The following DIS3L variants were observed in gnomAD, a reference collection of about 807,000 sequenced individuals.
DIS3L encodes the protein DIS3 like exosome 3'-5' exoribonuclease, also known as DIS3-like exonuclease 1.
In DIS3L, 100 loss-of-function variants were observed where a neutral mutation model predicts 120.3. That is an observed-to-expected ratio of 0.83 (90% CI 0.71 to 0.98). The LOEUF is 0.98. Among genes scored for constraint, DIS3L ranks in the 50% least tolerant of loss-of-function variants. The pLI is 0.00. For missense variants in DIS3L, 1,196 were observed against 1,314.2 expected (o/e 0.91, Z 1.39); for synonymous variants, 426 against 470.6 (o/e 0.91, Z 1.23).
intron 9 of DIS3L, 77 bp from the exon 10 acceptor site, chr15:66,322,610 T>C (rs2140390997): frequency 2.5e-6 from 4 of 1,572,696 alleles, no homozygotes; most frequent in Non-Finnish European, 3.5e-6. Flanking sequence ...TATGTGGTCA[T>C]ACTGAGAATA....
intron 14 of DIS3L, chr15:66,330,283 C>T (rs764595248): frequency 3.1e-5 from 31 of 984,254 alleles, no homozygotes; most frequent in Admixed American, 6.2e-5. Flanking sequence ...GGTGACAGAG[C>T]GAAACTCCGT....
intron 15 of DIS3L, 47 bp downstream of exon 15, chr15:66,332,067 G>C (rs531153124): frequency 3.2e-6 from 5 of 1,546,302 alleles, no homozygotes; most frequent in Non-Finnish European, 3.5e-6. Context: ...ATAGTTAAAA[G>C]TGTAGAACAC....
At chr15:66,294,194 C>A (rs915499172) in intron 1 of DIS3L, 2 of 985,530 alleles carry the variant, frequency 2.0e-6, no homozygotes, top group African/African-American at 3.5e-5. Flanking sequence ...CCTGCCCGCA[C>A]TGTTGCCCCA....
rs573087039 is a variant in DIS3L at position 66,308,248 on chromosome 15, T to C, written c.423-461T>C. On this transcript the variant is annotated intron_variant, in intron 3 of 16. Coordinates refer to ENST00000319212, the MANE Select transcript of DIS3L (RefSeq NM_001143688.3). ...TCTCTGTTTCCCAGTTCCGGTTCTT[T>C]TTTGGAAGATTTCCAGGCATTCCAT... is the stretch of plus-strand genomic sequence containing the variant. Among the ~76,000 whole-genome samples, 5 of 152,334 alleles carry C rather than the reference T, an allele frequency of 3.3e-5. No homozygotes were observed. The South Asian group carries it at 8.3e-4, about 25-fold the overall frequency.
rs2093020536 is a variant in DIS3L at position 66,333,171 on chromosome 15, G to C, written c.3024G>C (p.Gln1008His). The change falls in exon 17 of 17, where the codon CAG becomes CAC. Residue 1008 changes from glutamine to histidine, a missense_variant. Physicochemically the swap from Gln to His is conservative, Grantham distance 24 (BLOSUM62 0). Coordinates refer to ENST00000319212, the MANE Select transcript of DIS3L (RefSeq NM_001143688.3). ...KEVTKSVEEA[Q>H]LAQEVKVNII... ...TAACTAAATCTGTGGAAGAAGCTCAGCTTGCCCAAGAAGTCAAAGTAAACA... is the reference window on the plus strand; with the variant it reads ...TAACTAAATCTGTGGAAGAAGCTCACCTTGCCCAAGAAGTCAAAGTAAACA... 1 of 1,613,886 alleles carries C rather than the reference G, an allele frequency of 6.2e-7. No individual in the cohort carries two copies. The highest frequency in any genetic ancestry group is 8.5e-7 in the Non-Finnish European group (1 of 1,180,044).
chr15:66,317,849 A>G (rs1308906634), intron 7 of DIS3L, among the ~76,000 whole-genome samples: 1 of 145,722 alleles, frequency 6.9e-6, no homozygotes, highest in South Asian at 2.3e-4. Flanking sequence ...CTTAAAAAAA[A>G]AAAAAAAAGA....
intron 3 of DIS3L, 92 bp downstream of exon 3, chr15:66,307,044 A>G: frequency 6.7e-7 from 1 of 1,498,044 alleles, no homozygotes. Context: ...ATAGTCTGCT[A>G]GAACAAACCA....
At chr15:66,313,740 GA>G (rs1279502399) in intron 5 of DIS3L, among the ~76,000 whole-genome samples, 2 of 149,994 alleles carry the variant, frequency 1.3e-5, no homozygotes, top group South Asian at 2.1e-4. Flanking sequence ...GACAAAAAGA[GA>G]AAAAAAAGTG....
At chr15:66,332,522 A>G (rs1438966726) in intron 15 of DIS3L, among the ~76,000 whole-genome samples, 3 of 131,868 alleles carry the variant, frequency 2.3e-5, no homozygotes, top group African/African-American at 5.3e-5. Flanking sequence ...GTGTATATAT[A>G]TACACACACA....
At chr15:66,313,865 G>GTATATATATATATATATGTGTGTGTA (rs35511104) in intron 5 of DIS3L, among the ~76,000 whole-genome samples, 174 bp from the exon 6 acceptor site, 5 of 131,852 alleles carry the variant, frequency 3.8e-5, no homozygotes, top group Non-Finnish European at 8.1e-5. Context: ...ATATATGTGT[G>GTATATATATATATATATGTGTGTGTA]TATATATATA....
intron 3 of DIS3L, among the ~76,000 whole-genome samples, 176 bp from the exon 4 acceptor site, chr15:66,308,533 T>TCC (rs1246084793): frequency 6.6e-6 from 1 of 152,118 alleles, no homozygotes; most frequent in African/African-American, 2.4e-5. Flanking sequence ...CATATTTGTA[T>TCC]CCCCCAGAGC....
chr15:66,329,185 TTTTG>T (rs1452823112), intron 13 of DIS3L, 32 bp from the exon 14 acceptor site: 2 of 1,586,438 alleles, frequency 1.3e-6, no homozygotes, highest in East Asian at 2.2e-5. Context: ...TTAAAATAGT[TTTTG>T]TTTATTTTGA....
rs1047612365 is a variant in DIS3L, at chr15:66,333,648, G to C, written c.*336G>C. On this transcript the variant is annotated 3_prime_UTR_variant, in exon 17 of 17. Coordinates refer to ENST00000319212, the MANE Select transcript of DIS3L (RefSeq NM_001143688.3). ...GGAGGCTGAAGCAGGAGAATTGCCT[G>C]AACCCAGGAAGAGGAGGTTGCAGTG... 3 of 157,812 alleles carry C rather than the reference G, an allele frequency of 1.9e-5. No individual in the cohort carries two copies. Among genetic ancestry groups the C allele is most frequent in the African/African-American group, 7.7e-5 (3 of 38,792 alleles). The allele number at this position is 157,812 out of a possible 1,614,324, so 9.8% of individuals were successfully genotyped here.
At chr15:66,317,014 T>C (rs2092824080) in intron 7 of DIS3L, among the ~76,000 whole-genome samples, 1 of 152,144 alleles carries the variant, frequency 6.6e-6, no homozygotes. Flanking sequence ...ACTTGTTCTT[T>C]CCACCACCTG....
At chr15:66,329,775 G>A in intron 14 of DIS3L, 2 of 942,282 alleles carry the variant, frequency 2.1e-6, no homozygotes, top group Non-Finnish European at 2.5e-6. Context: ...AGCCGGGTGT[G>A]ATGGCACGCG....
At chr15:66,306,449 A>G (rs564434738) in intron 2 of DIS3L, among the ~76,000 whole-genome samples, 3 of 152,338 alleles carry the variant, frequency 2.0e-5, no homozygotes, top group South Asian at 4.1e-4. Flanking sequence ...GTGAGGTCCA[A>G]AAATAAAGTG....
chr15:66,299,543 C>A, intron 2 of DIS3L, among the ~76,000 whole-genome samples: 1 of 125,484 alleles, frequency 8.0e-6, no homozygotes. Flanking sequence ...AAAACTCCAT[C>A]TCAAAAAAAA....
At chr15:66,318,106 T>C (rs1250028997) in intron 7 of DIS3L, among the ~76,000 whole-genome samples, 1 of 152,134 alleles carries the variant, frequency 6.6e-6, no homozygotes, top group African/African-American at 2.4e-5. Flanking sequence ...CCTAAACAGC[T>C]GTGATCACAG....
chr15:66,311,812 A>G lies in DIS3L; in HGVS notation c.647A>G (p.Glu216Gly), dbSNP rs773766614. ...CAGTCTCGACGGGAGAGAGAGAATG[A>G]GAGTCAGGAGAGCCATGGGAAGGAG... Reference protein sequence around the residue: ...ILQSRRERENESQESHGKEYP... With the variant: ...ILQSRRERENGSQESHGKEYP... Residue 216 changes from glutamate (E) to glycine (G), a missense_variant, in exon 5 of 17, where the codon GAG becomes GGG. Glu to Gly is a moderately conservative substitution (Grantham distance 98, BLOSUM62 -2). Coordinates refer to ENST00000319212, the MANE Select transcript of DIS3L (RefSeq NM_001143688.3). 1.2e-6 allele frequency: 2 copies of G among 1,614,028 alleles called. No individual in the cohort carries two copies. The highest frequency in any genetic ancestry group is 2.7e-5 in the African/African-American group (2 of 74,918).
Sources: gnomAD v4.1 joint callset for allele counts (sites outside exome capture counted in the v4.1 genomes callset) on GRCh38, gnomAD v4.1.1 for gene constraint, MANE v1.5 for transcripts, NCBI Gene and HGNC (gene_info 2026-07-23, HGNC 2026-07-21) for gene names.